Variants in FUBP3 observed in about 807,000 individuals in gnomAD.
The protein encoded by FUBP3 is far upstream element-binding protein 3.
In FUBP3, 28 loss-of-function variants were observed where a neutral mutation model predicts 85.6. That is an observed-to-expected ratio of 0.33 (90% confidence interval 0.24 to 0.45). The LOEUF (loss-of-function observed/expected upper bound fraction) is 0.45, where lower values mean the gene tolerates loss of function less well. FUBP3 is among the 20% of genes least tolerant of loss of function. The pLI is 1.00. For synonymous variants in FUBP3, 271 were observed against 271.4 expected, an observed-to-expected ratio of 1.00 and a Z score of 0.01; for missense variants, 583 against 755.1, an observed-to-expected ratio of 0.77 and a Z score of 2.67.
At chr9:130,585,804 C>G (rs552082899) in intron 1 of FUBP3, among the ~76,000 whole-genome samples, 2 of 152,188 alleles carry the variant, frequency 1.3e-5, no homozygotes, top group Non-Finnish European at 2.9e-5. Flanking sequence ...ACATTCAGAG[C>G]ATCCATCTAA....
chr9:130,591,291 A>G (rs575476213), intron 1 of FUBP3, among the ~76,000 whole-genome samples: 2 of 152,076 alleles, frequency 1.3e-5, no homozygotes, highest in South Asian at 4.1e-4. Context: ...AAAAATACAA[A>G]AATTATCCAG....
intron 10 of FUBP3, 113 bp downstream of exon 10, chr9:130,622,923 A>G (rs1829818195): frequency 2.0e-6 from 1 of 494,162 alleles, no homozygotes; most frequent in East Asian, 3.4e-5. Context: ...GTTCATGTGT[A>G]TTCACCTTTC....
chr9:130,620,311 C>T (rs981837870), intron 8 of FUBP3, 43 bp from the exon 9 acceptor site: 5 of 1,227,486 alleles, frequency 4.1e-6, no homozygotes, highest in Non-Finnish European at 5.8e-6. Context: ...TATCTTTTTT[C>T]AGGAATTTTT....
chr9:130,634,154 C>T (rs1373944371), intron 16 of FUBP3, among the ~76,000 whole-genome samples: 1 of 152,210 alleles, frequency 6.6e-6, no homozygotes, highest in Non-Finnish European at 1.5e-5. Context: ...AAGAGAAGGG[C>T]TGGACCACCC....
chr9:130,593,634 T>G (rs565906726), intron 1 of FUBP3, among the ~76,000 whole-genome samples: 2 of 152,348 alleles, frequency 1.3e-5, no homozygotes, highest in South Asian at 2.1e-4. Context: ...GGTTGTTTAT[T>G]TGTTTCAGGT....
Position 130,595,542 on chromosome 9 carries a change from C to T in FUBP3, c.144C>T (p.Pro48=). The T allele has an allele frequency of 6.3e-7, 1 of 1,591,690 alleles. No individual in the cohort carries two copies. The highest frequency in any genetic ancestry group is 2.2e-5 in the East Asian group (1 of 44,774). The change falls in exon 2 of 19, where the codon CCC becomes CCT. Residue 48 remains proline, a synonymous_variant. Transcript: ENST00000319725. ...HLNNSTPLVD[P]SVYGYGVQKR... is the part of the protein sequence containing the mutation. The stretch of plus-strand genomic sequence containing the variant: ...ATAATTCCACACCTCTAGTGGACCC[C>T]TCAGTATATGGATACGGAGTACAAA...
chr9:130,609,671 G>A (rs1179169122), intron 2 of FUBP3, among the ~76,000 whole-genome samples: 3 of 152,250 alleles, frequency 2.0e-5, no homozygotes, highest in Non-Finnish European at 4.4e-5. Context: ...GAGGGATTTA[G>A]GCTAGCAGGA....
At chr9:130,625,986 C>T (rs575320878) in intron 11 of FUBP3, among the ~76,000 whole-genome samples, 1 of 152,096 alleles carries the variant, frequency 6.6e-6, no homozygotes. Context: ...ATGTGTCCGC[C>T]GCAGGAAAGA....
chr9:130,630,837 T>C, intron 13 of FUBP3, 49 bp downstream of exon 13: 1 of 1,340,476 alleles, frequency 7.5e-7, no homozygotes, highest in South Asian at 1.7e-5. Context: ...GCTGTTTTCT[T>C]GTGGATGTCC....
intron 12 of FUBP3, among the ~76,000 whole-genome samples, chr9:130,630,046 G>T (rs1830150294): frequency 6.6e-6 from 1 of 152,232 alleles, no homozygotes; most frequent in Non-Finnish European, 1.5e-5. Context: ...TCCTTGCACT[G>T]CCTGTGTAGA....
intron 6 of FUBP3, among the ~76,000 whole-genome samples, chr9:130,615,183 A>C (rs1391329137): frequency 6.6e-6 from 1 of 152,200 alleles, no homozygotes; most frequent in Non-Finnish European, 1.5e-5. Context: ...TTACAGGGCA[A>C]CTGGATGGTT....
intron 9 of FUBP3, among the ~76,000 whole-genome samples, chr9:130,622,342 AG>A (rs1341685112): frequency 3.5e-5 from 5 of 143,246 alleles, no homozygotes; most frequent in African/African-American, 1.3e-4. Context: ...AAAAAAAAAA[AG>A]TGTCCTGGCC....
chr9:130,631,254 G>A, intron 13 of FUBP3: 1 of 1,308,142 alleles, frequency 7.6e-7, no homozygotes, highest in Non-Finnish European at 9.7e-7. Flanking sequence ...ATGGCAGAAA[G>A]AGCCTTGGGC....
chr9:130,581,769 TA>T (rs1394187878), intron 1 of FUBP3: 3 of 152,242 alleles, frequency 2.0e-5, no homozygotes, highest in Non-Finnish European at 4.4e-5. Flanking sequence ...TGTCTCCTCA[TA>T]AACTCCAGAG....
At chr9:130,602,609 T>TA (rs1831210515) in intron 2 of FUBP3, among the ~76,000 whole-genome samples, 1 of 152,110 alleles carries the variant, frequency 6.6e-6, no homozygotes, top group Non-Finnish European at 1.5e-5. Context: ...GAAGTGTTGA[T>TA]ACTTTCCCTG....
At chr9:130,588,497 G>A (rs1210174367) in intron 1 of FUBP3, among the ~76,000 whole-genome samples, 2 of 152,072 alleles carry the variant, frequency 1.3e-5, no homozygotes, top group Non-Finnish European at 2.9e-5. Flanking sequence ...TATGATCCAT[G>A]TATTTTTCTG....
At chr9:130,610,115 G>C (rs1564206189) in intron 3 of FUBP3, 128 bp downstream of exon 3, 2 of 748,258 alleles carry the variant, frequency 2.7e-6, no homozygotes, top group Non-Finnish European at 4.5e-6. Context: ...GCTTCTTTAA[G>C]ACTCGAGTTT....
At chr9:130,636,282 G>C (rs190668658) in intron 18 of FUBP3, 156 bp downstream of exon 18, 7 of 774,708 alleles carry the variant, frequency 9.0e-6, no homozygotes, top group African/African-American at 8.5e-5. Context: ...CTGAGAGCCC[G>C]GCTCCAGCCC....
intron 1 of FUBP3, among the ~76,000 whole-genome samples, chr9:130,589,699 ATATATATTTTT>A (rs1279619711): frequency 5.3e-4 from 15 of 28,568 alleles, no homozygotes; most frequent in Admixed American, 1.5e-3. Flanking sequence ...ATATATATAT[ATATATATTTTT>A]TTTTTTTTTT....
Sources: gnomAD v4.1 joint callset for allele counts (sites outside exome capture counted in the v4.1 genomes callset) on GRCh38, gnomAD v4.1.1 for gene constraint, MANE v1.5 for transcripts, NCBI Gene and HGNC (gene_info 2026-07-23, HGNC 2026-07-21) for gene names.